Variants in KSR1 observed in about 807,000 individuals in gnomAD.
KSR1 encodes the protein kinase suppressor of ras.
Under a neutral mutation model 92.9 loss-of-function variants are expected in KSR1, and 35 were observed. That is an observed-to-expected ratio of 0.38 (90% CI 0.29 to 0.50). The LOEUF is 0.50. Ranked by LOEUF, KSR1 falls within the 20% of genes least tolerant of loss-of-function variation. The probability of loss-of-function intolerance (pLI) is 0.94; values close to 1 mark genes in which losing one functional copy is unlikely to be tolerated. For synonymous variants in KSR1, 467 were observed against 472.6 expected (o/e 0.99, Z 0.15); for missense variants, 972 against 1,158.5 (o/e 0.84, Z 2.34).
At chr17:27,544,211 T>A (rs1023343794) in intron 1 of KSR1, among the ~76,000 whole-genome samples, 1 of 152,210 alleles carries the variant, frequency 6.6e-6, no homozygotes, top group Non-Finnish European at 1.5e-5. Context: ...AAGGGAGTGG[T>A]GTCAAGGGAC....
At chr17:27,510,287 C>T (rs188208868) in intron 1 of KSR1, among the ~76,000 whole-genome samples, 5 of 152,340 alleles carry the variant, frequency 3.3e-5, no homozygotes, top group South Asian at 4.1e-4. Context: ...TCTTCCTGAC[C>T]GTGGTTATCC....
chr17:27,528,056 T>G (rs1201225590), intron 1 of KSR1, among the ~76,000 whole-genome samples: 3 of 152,126 alleles, frequency 2.0e-5, no homozygotes, highest in African/African-American at 7.2e-5. Context: ...TGTAAGTTAA[T>G]GCATTTATTT....
intron 9 of KSR1, among the ~76,000 whole-genome samples, chr17:27,596,492 A>G (rs150477002): frequency 0.01 from 1,597 of 152,338 alleles, 7 homozygotes; most frequent in South Asian, 0.027. Flanking sequence ...AAGGGATGAC[A>G]TTAACATTTA....
intron 10 of KSR1, among the ~76,000 whole-genome samples, chr17:27,600,783 C>A (rs143148019): frequency 6.6e-6 from 1 of 152,218 alleles, no homozygotes; most frequent in African/African-American, 2.4e-5. Context: ...TATTTACACC[C>A]CCATTTGACA....
intron 1 of KSR1, among the ~76,000 whole-genome samples, chr17:27,512,429 T>C (rs1243755721): frequency 6.6e-6 from 1 of 152,162 alleles, no homozygotes; most frequent in East Asian, 1.9e-4. Context: ...TCAATCAAGA[T>C]GTATTGAGAA....
chr17:27,595,132 G>T (rs1269643758), intron 9 of KSR1, among the ~76,000 whole-genome samples: 1 of 152,176 alleles, frequency 6.6e-6, no homozygotes, highest in Admixed American at 6.5e-5. Context: ...TAAACCTGTT[G>T]AACTTAGCAT....
At position 27,592,419 on chromosome 17, in the gene KSR1, C is replaced by T. The variant is rs753076798; in HGVS notation, c.1189C>T (p.Pro397Ser). The T allele has an allele frequency of 3.7e-6, 6 of 1,613,872 alleles. No individual in the cohort carries two copies. Among genetic ancestry groups the T allele is most frequent in the Non-Finnish European group, 8.5e-7 (1 of 1,179,770 alleles). Residue 397 changes from proline (P) to serine (S), a missense_variant, in exon 8 of 21, where the codon CCA (proline) becomes TCA (serine). Around this residue, in one of 5 missense-constraint regions of KSR1, gnomAD observed 611 missense variants for 668.0 expected, o/e 0.91. Coordinates refer to ENST00000644974, the MANE Select transcript of KSR1 (RefSeq NM_001394583.1). ...CCCTGCCTGTAGAATATCCTTCCTG[C>T]CACGTGAGTTTTCTGCCTTCCTCTC... ...EAPACRISFLPLTRLRRTESV... is the reference protein window; with the variant it reads ...EAPACRISFLSLTRLRRTESV...
At chr17:27,589,822 A>G (rs1237912185) in intron 6 of KSR1, among the ~76,000 whole-genome samples, 1 of 152,190 alleles carries the variant, frequency 6.6e-6, no homozygotes, top group Non-Finnish European at 1.5e-5. Flanking sequence ...ATACGTTGAA[A>G]CGTCAACAGA....
Position 27,592,348 on chromosome 17 carries a change from CCTT to C in KSR1, c.1131-9_1131-7del. 1.2e-6 allele frequency: 2 copies of C among 1,613,326 alleles called. No homozygotes were observed. Among genetic ancestry groups the C allele is most frequent in the Non-Finnish European group, 1.7e-6 (2 of 1,179,316 alleles). Reference sequence around the variant, plus strand: ...TGTGGTGCTTTGCACACCAACCTCCCCTTCTTTACCAGGTTGAAGTGTCACAAC... The same window carrying C: ...TGTGGTGCTTTGCACACCAACCTCCCCTTTACCAGGTTGAAGTGTCACAAC... On this transcript the variant is annotated splice_polypyrimidine_tract_variant and intron_variant, in intron 7 of 20. Coordinates refer to ENST00000644974, the MANE Select transcript of KSR1 (RefSeq NM_001394583.1).
chr17:27,581,364 T>C (rs1450477767), intron 3 of KSR1, among the ~76,000 whole-genome samples: 1 of 152,110 alleles, frequency 6.6e-6, no homozygotes, highest in Non-Finnish European at 1.5e-5. Context: ...AGCAAGACAT[T>C]CAAGGCCCTT....
chr17:27,578,667 C>T (rs2072620172), intron 3 of KSR1: 1 of 152,256 alleles, frequency 6.6e-6, no homozygotes, highest in South Asian at 2.1e-4. Context: ...AAGCTGAGAT[C>T]TTTGGGGTAA....
chr17:27,601,878 T>G, intron 11 of KSR1: 1 of 1,603,096 alleles, frequency 6.2e-7, no homozygotes, highest in Non-Finnish European at 8.5e-7. Flanking sequence ...CACCCTTCTG[T>G]GCCTTACCAC....
intron 5 of KSR1, chr17:27,585,950 C>A: frequency 2.3e-6 from 1 of 433,262 alleles, no homozygotes; most frequent in Non-Finnish European, 4.2e-6. Flanking sequence ...CCTTGCCCTT[C>A]CCCACCGAGA....
intron 1 of KSR1, among the ~76,000 whole-genome samples, chr17:27,505,191 C>T (rs1187472672): frequency 6.6e-6 from 1 of 152,198 alleles, no homozygotes; most frequent in Admixed American, 6.5e-5. Context: ...TTTGAATCCT[C>T]TGGGAGCTGG....
chr17:27,520,258 G>A (rs2151018956), intron 1 of KSR1, among the ~76,000 whole-genome samples: 1 of 152,212 alleles, frequency 6.6e-6, no homozygotes, highest in Non-Finnish European at 1.5e-5. Context: ...TTCCATTCCT[G>A]CAGAAGATGG....
At chr17:27,554,166 A>G (rs2071504937) in intron 2 of KSR1, among the ~76,000 whole-genome samples, 2 of 152,224 alleles carry the variant, frequency 1.3e-5, no homozygotes, top group South Asian at 4.1e-4. Context: ...CGTCTGTCAG[A>G]GAATCTTTTG....
rs545899883 is a variant in KSR1 at position 27,550,799 on chromosome 17, A to G, written c.372+91A>G. 1.6e-4 allele frequency: 108 copies of G among 683,672 alleles called. No individual in the cohort carries two copies. The African/African-American group carries it at 1.7e-3, about 11-fold the overall frequency. 42.4% of individuals were successfully genotyped at this position (683,672 alleles called of 1,614,324 possible). A position where few individuals can be genotyped will look rare whatever the true frequency, so the allele number is the denominator to read the frequency against. On this transcript the variant is annotated intron_variant, in intron 2 of 20. Transcript: ENST00000644974. ...CCCGAGGGCTAGCTTCCCCGTGGCT[A>G]AGACTAAGGGTTGATGCTCTCTAGT...
At chr17:27,479,619 C>T in intron 1 of KSR1, among the ~76,000 whole-genome samples, 1 of 152,154 alleles carries the variant, frequency 6.6e-6, no homozygotes, top group East Asian at 1.9e-4. Context: ...TCAAGTGCTG[C>T]AGGACATGAG....
intron 2 of KSR1, among the ~76,000 whole-genome samples, chr17:27,557,143 G>A (rs1233369525): frequency 6.6e-6 from 1 of 152,218 alleles, no homozygotes; most frequent in African/African-American, 2.4e-5. Flanking sequence ...ATAGGTCCTT[G>A]GGGATTTCTG....
Sources: gnomAD v4.1 joint callset for allele counts (sites outside exome capture counted in the v4.1 genomes callset) on GRCh38, gnomAD v4.1.1 for gene constraint, gnomAD v4.1.1 regional missense constraint, MANE v1.5 for transcripts, NCBI Gene and HGNC (gene_info 2026-07-23, HGNC 2026-07-21) for gene names.